L3MBTL4: variants seen among roughly 807,000 people sequenced by gnomAD.
L3MBTL4 encodes the protein lethal(3)malignant brain tumor-like protein 4.
In L3MBTL4, 70 loss-of-function variants were observed where a neutral mutation model predicts 84.5. The observed-to-expected ratio is 0.83, with a 90% CI of 0.68 to 1.01. The LOEUF is 1.01. L3MBTL4 is among the 50% of genes least tolerant of loss of function. L3MBTL4 has a pLI of 0.00. For missense variants in L3MBTL4, 715 were observed against 754.8 expected, an observed-to-expected ratio of 0.95 and a Z score of 0.62; for synonymous variants, 274 against 259.8, an observed-to-expected ratio of 1.05 and a Z score of -0.52.
At chr18:6,240,337 G>A (rs1030532523) in intron 8 of L3MBTL4, among the ~76,000 whole-genome samples, 2 of 151,364 alleles carry the variant, frequency 1.3e-5, no homozygotes, top group African/African-American at 4.8e-5. Context: ...CTGAAAATAA[G>A]TGGCTTTTTC....
chr18:6,302,076 A>T, intron 3 of L3MBTL4, 119 bp from the exon 4 acceptor site: 1 of 851,106 alleles, frequency 1.2e-6, no homozygotes, highest in Non-Finnish European at 2.0e-6. Flanking sequence ...TGAGGCGGAC[A>T]ACGCACACAA....
chr18:6,007,727 A>T (rs1429907941), intron 16 of L3MBTL4, among the ~76,000 whole-genome samples: 2 of 152,234 alleles, frequency 1.3e-5, no homozygotes, highest in Non-Finnish European at 2.9e-5. Flanking sequence ...GAGTGGTAAT[A>T]TAATGATATA....
At chr18:6,247,784 G>A (rs1287272686) in intron 5 of L3MBTL4, among the ~76,000 whole-genome samples, 1 of 151,012 alleles carries the variant, frequency 6.6e-6, no homozygotes, top group Non-Finnish European at 1.5e-5. Context: ...CCCTTCCTCT[G>A]ATTTTTTGAC....
At chr18:5,964,235 A>G (rs1184051487) in intron 17 of L3MBTL4, among the ~76,000 whole-genome samples, 6 of 152,216 alleles carry the variant, frequency 3.9e-5, no homozygotes, top group Non-Finnish European at 8.8e-5. Context: ...CAGTCTGGGG[A>G]GACTGGGAGG....
intron 5 of L3MBTL4, among the ~76,000 whole-genome samples, chr18:6,263,269 C>CAAAAAAAAAAA (rs750079581): frequency 3.3e-5 from 2 of 60,674 alleles, no homozygotes. Context: ...CTCCGTCTCA[C>CAAAAAAAAAAA]AAAAAAAAAA....
At chr18:6,346,051 C>A in intron 1 of L3MBTL4, among the ~76,000 whole-genome samples, 1 of 147,266 alleles carries the variant, frequency 6.8e-6, no homozygotes. Flanking sequence ...TTGACAACGG[C>A]AGTGAGAATA....
intron 14 of L3MBTL4, among the ~76,000 whole-genome samples, chr18:6,112,320 G>T (rs1450896640): frequency 2.0e-5 from 3 of 152,164 alleles, no homozygotes; most frequent in Non-Finnish European, 2.9e-5. Flanking sequence ...ACCGAGGATC[G>T]CATCTTTTCT....
chr18:6,264,349 C>T (rs905045209), intron 4 of L3MBTL4, among the ~76,000 whole-genome samples: 13 of 152,206 alleles, frequency 8.5e-5, no homozygotes, highest in African/African-American at 2.9e-4. Flanking sequence ...CACAGGCTTT[C>T]TGGAAAGTGA....
chr18:6,243,386 C>T lies in L3MBTL4; in HGVS notation c.368G>A (p.Ser123Asn), dbSNP rs142238955. Residue 123 changes from serine to asparagine, a missense_variant, in exon 7 of 19, where the codon AGT becomes AAT. Ser to Asn is a conservative substitution (Grantham distance 46). Transcript: ENST00000317931. ...AGCATTGGTCCAAAAATCATAGCAA[C>T]TTAAATAACCATCAAAATGAAGTCT... ...RLRLHFDGYL[S>N]CYDFWTNAGS... 3,650 of 1,607,362 alleles carry T rather than the reference C, an allele frequency of 2.3e-3. 8 individuals are homozygous for T. Among genetic ancestry groups the T allele is most frequent in the Non-Finnish European group, 2.8e-3 (3,300 of 1,177,082 alleles).
intron 16 of L3MBTL4, among the ~76,000 whole-genome samples, chr18:5,981,876 T>C (rs1567945854): frequency 6.6e-6 from 1 of 151,408 alleles, no homozygotes; most frequent in Non-Finnish European, 1.5e-5. Flanking sequence ...TCATCTATTA[T>C]TCTCTTCTAG....
At chr18:6,285,627 G>A (rs949433882) in intron 4 of L3MBTL4, among the ~76,000 whole-genome samples, 1 of 151,844 alleles carries the variant, frequency 6.6e-6, no homozygotes, top group South Asian at 2.1e-4. Flanking sequence ...CTCCAAAGAT[G>A]TAATTCCCTG....
chr18:6,375,828 A>G (rs963485472), intron 1 of L3MBTL4, among the ~76,000 whole-genome samples: 10 of 152,184 alleles, frequency 6.6e-5, no homozygotes, highest in African/African-American at 1.9e-4. Context: ...CTGGATGTCA[A>G]ATCTCCACTG....
intron 12 of L3MBTL4, among the ~76,000 whole-genome samples, chr18:6,190,786 G>A (rs1355739614): frequency 6.6e-6 from 1 of 152,164 alleles, no homozygotes; most frequent in Non-Finnish European, 1.5e-5. Flanking sequence ...TGTGCCAGGA[G>A]AGTCTTGCTG....
intron 1 of L3MBTL4, among the ~76,000 whole-genome samples, chr18:6,329,606 G>A (rs1420864858): frequency 1.3e-5 from 2 of 152,194 alleles, no homozygotes; most frequent in Non-Finnish European, 2.9e-5. Flanking sequence ...GTTCAAGGTT[G>A]AGTGGGGCAC....
chr18:6,346,140 A>G (rs960686567), intron 1 of L3MBTL4, among the ~76,000 whole-genome samples: 1 of 147,614 alleles, frequency 6.8e-6, no homozygotes, highest in South Asian at 2.1e-4. Flanking sequence ...ATATGGATGT[A>G]TATATGCAAA....
At chr18:6,000,125 A>G (rs1349458980) in intron 16 of L3MBTL4, among the ~76,000 whole-genome samples, 1 of 152,172 alleles carries the variant, frequency 6.6e-6, no homozygotes, top group Non-Finnish European at 1.5e-5. Flanking sequence ...AAAAAAAATG[A>G]TATGGTGTTG....
At chr18:6,248,056 T>C (rs1015920842) in intron 5 of L3MBTL4, among the ~76,000 whole-genome samples, 6 of 152,158 alleles carry the variant, frequency 3.9e-5, no homozygotes, top group Non-Finnish European at 8.8e-5. Flanking sequence ...TGTATACCCA[T>C]ACAAACATAC....
chr18:6,327,520 C>T lies in L3MBTL4; in HGVS notation c.-90-15464G>A, dbSNP rs141385962. 1.5e-3 allele frequency among the ~76,000 whole-genome samples: 231 copies of T among 152,030 alleles called. 6 individuals carry two copies. The East Asian group carries it at 0.028, about 19-fold the overall frequency. On this transcript the variant is annotated intron_variant, in intron 1 of 18. Transcript: ENST00000317931. The stretch of plus-strand genomic sequence containing the variant: ...GAAAAGGGTGCAGGATGATACATGC[C>T]ATATATCATTTATGTAATGTTTGCT...
intron 12 of L3MBTL4, among the ~76,000 whole-genome samples, chr18:6,174,198 T>C (rs889888310): frequency 5.3e-5 from 8 of 150,140 alleles, no homozygotes; most frequent in African/African-American, 1.7e-4. Flanking sequence ...ACATATAACA[T>C]ACAAAAGTTT....
Sources: allele counts gnomAD v4.1 joint callset (sites outside exome capture counted in the v4.1 genomes callset), GRCh38; gene constraint gnomAD v4.1.1; transcripts MANE v1.5; gene names NCBI Gene and HGNC (gene_info 2026-07-23, HGNC 2026-07-21).